Variants in CSMD1 observed in about 807,000 individuals in gnomAD.
The protein encoded by CSMD1 is CUB and sushi domain-containing protein 1.
A neutral mutation model predicts 417.5 loss-of-function variants in CSMD1; 213 were observed. The ratio of observed to expected loss-of-function variants is 0.51; its 90% CI spans 0.46 to 0.57. The LOEUF (loss-of-function observed/expected upper bound fraction) is 0.57, where lower values mean the gene tolerates loss of function less well. CSMD1 is among the 20% of genes least tolerant of loss of function. The probability of loss-of-function intolerance (pLI) is 0.00; values close to 1 mark genes in which losing one functional copy is unlikely to be tolerated. For missense variants in CSMD1, 6,923 were observed against 4,529.7 expected, an observed-to-expected ratio of 1.53 and a Z score of -15.17; for synonymous variants, 2,862 against 1,736.8, an observed-to-expected ratio of 1.65 and a Z score of -16.11.
intron 1 of CSMD1, among the ~76,000 whole-genome samples, chr8:4,818,893 G>A (rs1359491203): frequency 6.6e-6 from 1 of 152,170 alleles, no homozygotes; most frequent in Non-Finnish European, 1.5e-5. Context: ...AGAAAGTTCA[G>A]TTTAAGTGGT....
intron 8 of CSMD1, among the ~76,000 whole-genome samples, chr8:3,601,848 C>CACCA (rs1478892612): frequency 6.6e-6 from 1 of 152,156 alleles, no homozygotes; most frequent in African/African-American, 2.4e-5. Flanking sequence ...CCTACGTCTT[C>CACCA]ACCAGAAATG....
intron 3 of CSMD1, among the ~76,000 whole-genome samples, chr8:4,128,363 T>A (rs17069064): frequency 6.6e-6 from 1 of 152,178 alleles, no homozygotes; most frequent in Non-Finnish European, 1.5e-5. Flanking sequence ...TAAAAACTTA[T>A]GTGGATGGTA....
At chr8:3,939,460 T>TA (rs1810729971) in intron 5 of CSMD1, among the ~76,000 whole-genome samples, 1 of 152,098 alleles carries the variant, frequency 6.6e-6, no homozygotes, top group South Asian at 2.1e-4. Context: ...GGAGATTCCT[T>TA]AAAGAACTAA....
chr8:3,866,504 G>A (rs966275297), intron 5 of CSMD1, among the ~76,000 whole-genome samples: 7 of 152,134 alleles, frequency 4.6e-5, no homozygotes, highest in African/African-American at 7.2e-5. Flanking sequence ...GGTGCCTGAC[G>A]TGGTAAAGCA....
intron 3 of CSMD1, among the ~76,000 whole-genome samples, chr8:4,104,361 G>T (rs1466478718): frequency 2.0e-5 from 3 of 152,190 alleles, no homozygotes; most frequent in African/African-American, 7.2e-5. Flanking sequence ...ACTGCACACT[G>T]TGAAAAAATG....
At position 3,295,398 on chromosome 8, in the gene CSMD1, T is replaced by C. The variant is rs557929077; in HGVS notation, c.3951-11052A>G. ...GCCTCGGCCTCCCAAAGTGCTGGGA[T>C]TAGAGGTGTGAGCCACTGAGCCCAG... On this transcript the variant is annotated intron_variant, in intron 25 of 69. Transcript: ENST00000635120. Among the ~76,000 whole-genome samples the C allele has an allele frequency of 1.2e-3, 186 of 152,246 alleles. 2 individuals are homozygous for C. Among genetic ancestry groups the C allele is most frequent in the Admixed American group, 1.5e-3 (23 of 15,284 alleles).
In CSMD1 at chr8:4,172,641, T is replaced by C. The variant is rs547010951; in HGVS notation, c.416-140542A>G. ...CACCCTCCTGGTATTTATGAACTCC[T>C]GCGGTCCTCCCTTAAATATGGGCTG... On this transcript the variant is annotated intron_variant, in intron 3 of 69. Coordinates refer to ENST00000635120, the MANE Select transcript of CSMD1 (RefSeq NM_033225.6). 3.9e-5 allele frequency among the ~76,000 whole-genome samples: 6 copies of C among 152,330 alleles called. No individual in the cohort carries two copies. In the East Asian group the frequency reaches 1.2e-3, roughly 29 times the overall value.
chr8:3,827,033 T>G (rs1585053798), intron 5 of CSMD1, among the ~76,000 whole-genome samples: 2 of 152,178 alleles, frequency 1.3e-5, no homozygotes, highest in South Asian at 4.2e-4. Context: ...CCTCCCATCT[T>G]GGCCTTTTGA....
intron 1 of CSMD1, among the ~76,000 whole-genome samples, chr8:4,913,137 G>T (rs984716374): frequency 6.6e-6 from 1 of 152,164 alleles, no homozygotes; most frequent in Non-Finnish European, 1.5e-5. Flanking sequence ...GATCAAAGCA[G>T]AGTCCACCAC....
At chr8:3,147,121 T>G (rs1414125209) in intron 40 of CSMD1, among the ~76,000 whole-genome samples, 1 of 152,158 alleles carries the variant, frequency 6.6e-6, no homozygotes, top group Non-Finnish European at 1.5e-5. Flanking sequence ...CCCAAAACTG[T>G]CAATCAAGGA....
At chr8:4,351,130 G>A (rs565291735) in intron 3 of CSMD1, among the ~76,000 whole-genome samples, 2 of 151,768 alleles carry the variant, frequency 1.3e-5, no homozygotes, top group African/African-American at 2.4e-5. Context: ...ACCAGTCCGG[G>A]CAACATAGCA....
chr8:4,376,155 A>T (rs1242460297), intron 3 of CSMD1, among the ~76,000 whole-genome samples: 1 of 152,264 alleles, frequency 6.6e-6, no homozygotes, highest in Non-Finnish European at 1.5e-5. Context: ...ATGCTCTAAC[A>T]TCAAGTGTGC....
intron 3 of CSMD1, among the ~76,000 whole-genome samples, chr8:4,300,971 T>C (rs556911527): frequency 1.3e-5 from 2 of 152,330 alleles, no homozygotes; most frequent in East Asian, 1.9e-4. Flanking sequence ...TCTTTACTAT[T>C]GTAAATAGTG....
intron 2 of CSMD1, among the ~76,000 whole-genome samples, chr8:4,445,437 C>G (rs1205247244): frequency 2.0e-5 from 3 of 152,276 alleles, no homozygotes; most frequent in East Asian, 3.9e-4. Context: ...ACCAAATCGT[C>G]TTTCAAAATT....
intron 3 of CSMD1, among the ~76,000 whole-genome samples, chr8:4,227,589 C>G (rs1334336049): frequency 6.6e-6 from 1 of 152,028 alleles, no homozygotes; most frequent in African/African-American, 2.4e-5. Context: ...CCCACAGCCC[C>G]CGACCTCAGG....
At chr8:3,493,924 CA>C (rs1796249833) in intron 10 of CSMD1, among the ~76,000 whole-genome samples, 198 bp from the exon 11 acceptor site, 2 of 152,086 alleles carry the variant, frequency 1.3e-5, no homozygotes, top group Admixed American at 6.5e-5. Flanking sequence ...TTATGAAATT[CA>C]GAATTGCTAT....
At chr8:4,287,597 C>A (rs1470267644) in intron 3 of CSMD1, among the ~76,000 whole-genome samples, 1 of 151,960 alleles carries the variant, frequency 6.6e-6, no homozygotes, top group African/African-American at 2.4e-5. Flanking sequence ...CTTCCAGGGA[C>A]CAGGTTAAGT....
intron 52 of CSMD1, among the ~76,000 whole-genome samples, chr8:3,013,693 A>C (rs1255965024): frequency 6.6e-6 from 1 of 151,766 alleles, no homozygotes; most frequent in Non-Finnish European, 1.5e-5. Flanking sequence ...TGGAGGTTGC[A>C]GTGAGCTGAG....
At chr8:4,164,963 C>T (rs964014816) in intron 3 of CSMD1, among the ~76,000 whole-genome samples, 4 of 151,900 alleles carry the variant, frequency 2.6e-5, no homozygotes, top group Non-Finnish European at 5.9e-5. Flanking sequence ...TTCAACTGAG[C>T]AGTAGGAATT....
Sources: allele counts gnomAD v4.1 joint callset (sites outside exome capture counted in the v4.1 genomes callset), GRCh38; gene constraint gnomAD v4.1.1; transcripts MANE v1.5; gene names NCBI Gene and HGNC (gene_info 2026-07-23, HGNC 2026-07-21).